The following CSNK1G1 variants were observed in gnomAD, a reference collection of about 807,000 sequenced individuals.
The protein encoded by CSNK1G1 is casein kinase I isoform gamma-1.
Under a neutral mutation model 59.6 loss-of-function variants are expected in CSNK1G1, and 22 were observed. That is an observed-to-expected ratio of 0.37 (90% CI 0.26 to 0.53). CSNK1G1 has a LOEUF of 0.53. CSNK1G1 is among the 20% of genes least tolerant of loss of function. The pLI is 0.89. For synonymous variants in CSNK1G1, 179 were observed against 177.1 expected, an observed-to-expected ratio of 1.01 and a Z score of -0.08; for missense variants, 384 against 519.5, an observed-to-expected ratio of 0.74 and a Z score of 2.54.
At chr15:64,333,257 C>CA (rs60857897) in intron 1 of CSNK1G1, among the ~76,000 whole-genome samples, 12,088 of 16,496 alleles carry the variant, frequency 0.73, 5,046 homozygotes, top group Non-Finnish European at 0.83. Flanking sequence ...GACTCCATCT[C>CA]AAAAAAAAAA....
chr15:64,311,979 C>A (rs560527382), intron 1 of CSNK1G1, among the ~76,000 whole-genome samples: 1 of 152,130 alleles, frequency 6.6e-6, no homozygotes, highest in South Asian at 2.1e-4. Flanking sequence ...AGCAAGAGAG[C>A]CAAATCATGA....
chr15:64,213,643 C>G (rs1407129014), intron 6 of CSNK1G1, among the ~76,000 whole-genome samples: 1 of 152,160 alleles, frequency 6.6e-6, no homozygotes, highest in Admixed American at 6.5e-5. Context: ...TACAATAATT[C>G]AAGTACTCAC....
intron 2 of CSNK1G1, among the ~76,000 whole-genome samples, chr15:64,292,062 TAGTC>T (rs1894770087): frequency 6.6e-6 from 1 of 151,144 alleles, no homozygotes; most frequent in Non-Finnish European, 1.5e-5. Context: ...AAAAAAAAAT[TAGTC>T]AGGCGTGGTG....
Position 64,300,686 on chromosome 15 carries a change from A to T in CSNK1G1, c.-187T>A, listed in dbSNP as rs1271653874. Reference sequence around the variant, plus strand: ...ATTTATTTGTTCCCGTAGGAAATGTAGTCACTAGGTCTCAATCTTAGGTGA... The same window carrying T: ...ATTTATTTGTTCCCGTAGGAAATGTTGTCACTAGGTCTCAATCTTAGGTGA... On this transcript the variant is annotated 5_prime_UTR_variant, in exon 2 of 12. Coordinates refer to ENST00000303052, the MANE Select transcript of CSNK1G1 (RefSeq NM_022048.5). The T allele has an allele frequency of 7.8e-7, 1 of 1,277,018 alleles. No individual in the cohort carries two copies. The highest frequency in any genetic ancestry group is 9.9e-7 in the Non-Finnish European group (1 of 1,011,518). The allele number at this position is 1,277,018 out of a possible 1,614,324, so 79.1% of individuals were successfully genotyped here.
intron 3 of CSNK1G1, among the ~76,000 whole-genome samples, chr15:64,252,192 T>C (rs901731213): frequency 6.6e-6 from 1 of 151,798 alleles, no homozygotes; most frequent in Non-Finnish European, 1.5e-5. Flanking sequence ...TGTTCATTAA[T>C]GTGCTATTGA....
intron 1 of CSNK1G1, among the ~76,000 whole-genome samples, chr15:64,352,897 T>C (rs1386870189): frequency 6.6e-6 from 1 of 151,706 alleles, no homozygotes; most frequent in Non-Finnish European, 1.5e-5. Flanking sequence ...GAGACCTGCC[T>C]GGCCAACATG....
intron 1 of CSNK1G1, among the ~76,000 whole-genome samples, chr15:64,303,824 T>C (rs1404551647): frequency 6.7e-6 from 1 of 149,298 alleles, no homozygotes; most frequent in African/African-American, 2.5e-5. Context: ...GAGGCTGAAG[T>C]TGGAGAATTG....
At chr15:64,203,239 T>C (rs2082132413) in intron 9 of CSNK1G1, 50 bp from the exon 10 acceptor site, 6 of 1,125,050 alleles carry the variant, frequency 5.3e-6, no homozygotes, top group Non-Finnish European at 6.8e-6. Flanking sequence ...TCCAACTTGA[T>C]GCATATGCAA....
At chr15:64,260,283 A>C (rs1191139054) in intron 2 of CSNK1G1, among the ~76,000 whole-genome samples, 1 of 152,194 alleles carries the variant, frequency 6.6e-6, no homozygotes, top group Non-Finnish European at 1.5e-5. Flanking sequence ...GACTGATTAA[A>C]AGTTATTGGT....
In CSNK1G1 at chr15:64,214,328, G is replaced by GA. The variant is rs1404792179; in HGVS notation, c.445-205dup. Reference sequence around the variant, plus strand: ...CGTACACAACAAATATCAAGACTAGGAAAAAAAGTGGGATAGTACAGGTCT... The same window carrying GA: ...CGTACACAACAAATATCAAGACTAGGAAAAAAAAGTGGGATAGTACAGGTCT... On this transcript the variant is annotated intron_variant, in intron 5 of 11. Coordinates refer to ENST00000303052, the MANE Select transcript of CSNK1G1 (RefSeq NM_022048.5). This position sits in a 1 kb window ranked among gnomAD's most constrained non-coding sequence, Gnocchi z 4.3. 6.6e-6 allele frequency among the ~76,000 whole-genome samples: 1 copy of GA among 151,978 alleles called. No individual in the cohort carries two copies. The highest frequency in any genetic ancestry group is 2.1e-4 in the South Asian group (1 of 4,826).
intron 4 of CSNK1G1, among the ~76,000 whole-genome samples, chr15:64,246,758 G>C (rs1891782415): frequency 6.6e-6 from 1 of 151,802 alleles, no homozygotes; most frequent in South Asian, 2.1e-4. Context: ...GGATATGGGA[G>C]CCTAGACTTA....
chr15:64,237,795 T>C (rs1214339300), intron 4 of CSNK1G1, among the ~76,000 whole-genome samples: 1 of 152,218 alleles, frequency 6.6e-6, no homozygotes, highest in African/African-American at 2.4e-5. Flanking sequence ...CAAAGCTCTT[T>C]TGTGGTACCA....
chr15:64,229,516 TTCTC>T (rs1166726797), intron 4 of CSNK1G1, among the ~76,000 whole-genome samples: 3 of 146,238 alleles, frequency 2.1e-5, no homozygotes, highest in Admixed American at 6.7e-5. Context: ...TTCTCTCTCT[TTCTC>T]TCTCTCTTTC....
At chr15:64,308,440 T>TG (rs1393362955) in intron 1 of CSNK1G1, among the ~76,000 whole-genome samples, 2 of 30,442 alleles carry the variant, frequency 6.6e-5, no homozygotes, top group South Asian at 1.7e-3. Context: ...TGTTCATTAT[T>TG]AAAGGGAGCC....
intron 1 of CSNK1G1, among the ~76,000 whole-genome samples, chr15:64,333,155 G>A (rs1199978511): frequency 3.3e-5 from 5 of 149,344 alleles, no homozygotes; most frequent in African/African-American, 1.2e-4. Context: ...TACTCGGGAG[G>A]CTGAGACAGG....
chr15:64,316,371 A>G (rs1257112365), intron 1 of CSNK1G1, among the ~76,000 whole-genome samples: 1 of 152,068 alleles, frequency 6.6e-6, no homozygotes, highest in Non-Finnish European at 1.5e-5. Flanking sequence ...ACCTGTCTCT[A>G]TTAAAACTAC....
At chr15:64,280,272 A>G (rs1317384202) in intron 2 of CSNK1G1, among the ~76,000 whole-genome samples, 4 of 152,188 alleles carry the variant, frequency 2.6e-5, no homozygotes, top group African/African-American at 9.7e-5. Context: ...TTGAAAAAAG[A>G]CAGCCCTTCT....
At chr15:64,252,782 G>A (rs1892163219) in intron 3 of CSNK1G1, among the ~76,000 whole-genome samples, 1 of 152,168 alleles carries the variant, frequency 6.6e-6, no homozygotes, top group South Asian at 2.1e-4. Flanking sequence ...AGATAAAGCA[G>A]CCAAACAACC....
In CSNK1G1 at chr15:64,167,193, CAA is replaced by C. The variant is rs1156235507; in HGVS notation, c.*4736_*4737del. Reference sequence around the variant, plus strand: ...AACATTTTTAAGACTGCTTGCTGGACAAAAGACTTTCAAGATTCCTTACTTGT... The same window carrying C: ...AACATTTTTAAGACTGCTTGCTGGACAAGACTTTCAAGATTCCTTACTTGT... On this transcript the variant is annotated 3_prime_UTR_variant, in exon 12 of 12. Transcript: ENST00000303052. The C allele has an allele frequency of 6.6e-6, 1 of 152,040 alleles. No individual in the cohort carries two copies. The highest frequency in any genetic ancestry group is 2.4e-5 in the African/African-American group (1 of 41,332). The allele number at this position is 152,040 out of a possible 1,614,324, so 9.4% of individuals were successfully genotyped here. A position where few individuals can be genotyped will look rare whatever the true frequency, so the allele number is the denominator to read the frequency against.
Sources: gnomAD v4.1 joint callset for allele counts (sites outside exome capture counted in the v4.1 genomes callset) on GRCh38, gnomAD v4.1.1 for gene constraint, Gnocchi (gnomAD v3.1) non-coding constraint, MANE v1.5 for transcripts, NCBI Gene and HGNC (gene_info 2026-07-23, HGNC 2026-07-21) for gene names.